Variants in DUSP15 observed in about 807,000 individuals in gnomAD.
The protein encoded by DUSP15 is dual specificity protein phosphatase 15.
Under a neutral mutation model 26.3 loss-of-function variants are expected in DUSP15, and 23 were observed. That is an observed-to-expected ratio of 0.87 (90% CI 0.63 to 1.24). DUSP15 has a LOEUF of 1.24. Ranked by LOEUF, DUSP15 falls within the 50% of genes most tolerant of loss-of-function variation. The pLI, the probability that DUSP15 is intolerant of heterozygous loss-of-function variation, is 0.00. For synonymous variants in DUSP15, 143 were observed against 135.5 expected, an observed-to-expected ratio of 1.06 and a Z score of -0.39; for missense variants, 364 against 320.6, an observed-to-expected ratio of 1.14 and a Z score of -1.03.
Position 31,861,627 on chromosome 20 carries a change from C to CGTCGCGGAAGGGGCT in DUSP15, c.469_483dup (p.Ser157_Asp161dup). 2 of 1,349,340 alleles carry CGTCGCGGAAGGGGCT rather than the reference C, an allele frequency of 1.5e-6. No individual in the cohort carries two copies. The highest frequency in any genetic ancestry group is 9.6e-7 in the Non-Finnish European group (1 of 1,041,074). 83.6% of individuals were successfully genotyped at this position (1,349,340 alleles called of 1,614,324 possible). A position where few individuals can be genotyped will look rare whatever the true frequency, so the allele number is the denominator to read the frequency against. On this transcript the variant is annotated inframe_insertion, in exon 7 of 7. Coordinates refer to ENST00000339738, the MANE Select transcript of DUSP15 (RefSeq NM_080611.5). ...GGCAGCAGCGCGCGCAACTCCTCCTCGTCGCGGAAGGGGCTCTCGCCGAAG... is the reference window on the plus strand; with the variant it reads ...GGCAGCAGCGCGCGCAACTCCTCCTCGTCGCGGAAGGGGCTGTCGCGGAAGGGGCTCTCGCCGAAG...
intron 6 of DUSP15, 147 bp downstream of exon 6, chr20:31,862,424 T>A: frequency 1.1e-6 from 1 of 877,790 alleles, no homozygotes; most frequent in Non-Finnish European, 1.7e-6. Context: ...ACCTAGGAGG[T>A]GGATTAGCTC....
downstream of DUSP15, among the ~76,000 whole-genome samples, chr20:31,846,153 C>T (rs374599654): frequency 7.5e-6 from 1 of 134,092 alleles, no homozygotes; most frequent in East Asian, 1.9e-4. Context: ...CAGACACACA[C>T]ACACAGACAT....
At chr20:31,851,789 C>T (rs2062474418) in intron 6 of DUSP15, among the ~76,000 whole-genome samples, 2 of 152,126 alleles carry the variant, frequency 1.3e-5, no homozygotes. Context: ...GGCTCAGCCA[C>T]TTCCCAGGAG....
chr20:31,859,155 T>C (rs1342432451), downstream of DUSP15, among the ~76,000 whole-genome samples: 1 of 152,196 alleles, frequency 6.6e-6, no homozygotes, highest in East Asian at 1.9e-4. Context: ...GGAGCCAAAA[T>C]GTGTCTCTCT....
chr20:31,845,881 C>G (rs538036341), downstream of DUSP15, among the ~76,000 whole-genome samples: 1 of 151,282 alleles, frequency 6.6e-6, no homozygotes, highest in Admixed American at 6.6e-5. Context: ...GGGACAGAGA[C>G]AAAAACAAAA....
In DUSP15 at chr20:31,861,448, A is replaced by C. The variant is rs749867046; in HGVS notation, c.663T>G (p.Thr221=). The change falls in exon 7 of 7, where the codon ACT becomes ACG. Residue 221 remains threonine, a synonymous_variant. Transcript: ENST00000339738. ...PLPLLARVKQ[T]FSCLPRCLSR... ...ACAGACACCGGGGGAGGCAAGAGAAAGTCTGCTTGACGCGCGCCAGCAGCG... is the reference window on the plus strand; with the variant it reads ...ACAGACACCGGGGGAGGCAAGAGAACGTCTGCTTGACGCGCGCCAGCAGCG... 43 of 1,557,526 alleles carry C rather than the reference A, an allele frequency of 2.8e-5. No individual in the cohort carries two copies. In the African/African-American group the frequency reaches 5.9e-4, roughly 21 times the overall value.
At chr20:31,847,814 TCA>T (rs1334414022) in exon 10 of DUSP15, 1 of 152,202 alleles carries the variant, frequency 6.6e-6, no homozygotes, top group Admixed American at 6.5e-5. Context: ...GAGGTCCGCC[TCA>T]GTTTCTTCAA....
At position 31,848,352 on chromosome 20, in the gene DUSP15, A is replaced by C; in HGVS notation, c.*52T>G. 2.7e-6 allele frequency: 4 copies of C among 1,481,828 alleles called. No individual in the cohort carries two copies. The South Asian group carries it at 4.7e-5, about 18-fold the overall frequency. 91.8% of individuals were successfully genotyped at this position (1,481,828 alleles called of 1,614,324 possible). A position where few individuals can be genotyped will look rare whatever the true frequency, so the allele number is the denominator to read the frequency against. On this transcript the variant is annotated 3_prime_UTR_variant, in exon 10 of 10. Coordinates refer to the DUSP15 transcript ENST00000278979. ...GGGGAGGCCCCAAGTCTATGGGCTTAGTGTGGGCAGGGTTGGGTGGGAGTA... is the reference window on the plus strand; with the variant it reads ...GGGGAGGCCCCAAGTCTATGGGCTTCGTGTGGGCAGGGTTGGGTGGGAGTA...
At position 31,861,378 on chromosome 20, in the gene DUSP15, G is replaced by A. The variant is rs12569; in HGVS notation, c.*25C>T. 199,774 of 1,516,914 alleles carry A rather than the reference G, an allele frequency of 0.13. 14,045 individuals are homozygous for A. The highest frequency in any genetic ancestry group is 0.18 in the Admixed American group (8,923 of 48,682). 94.0% of individuals were successfully genotyped at this position (1,516,914 alleles called of 1,614,324 possible). ...CCCCCGAAGGGAGCCAGTCGGAAGT[G>A]GGGAGCCACGGCTGGACTGCATCCT... On this transcript the variant is annotated 3_prime_UTR_variant, in exon 7 of 7. Transcript: ENST00000339738.
intron 6 of DUSP15, among the ~76,000 whole-genome samples, chr20:31,854,682 C>T (rs566931612): frequency 3.9e-5 from 6 of 152,212 alleles, no homozygotes; most frequent in African/African-American, 1.4e-4. Flanking sequence ...TGAGCAAAGT[C>T]CTGGAGGTAT....
chr20:31,870,399 C>A lies in DUSP15; in HGVS notation c.-62G>T. 3.9e-6 allele frequency: 5 copies of A among 1,290,052 alleles called. No individual in the cohort carries two copies. The highest frequency in any genetic ancestry group is 1.5e-5 in the African/African-American group (1 of 65,784). The allele number at this position is 1,290,052 out of a possible 1,614,324, so 79.9% of individuals were successfully genotyped here. ...CGCCGCCCGGGAAGCGATCCGGTCA[C>A]AGCTGCCCTGACGGCCCAGGCCCGA... On this transcript the variant is annotated 5_prime_UTR_variant, in exon 1 of 7. Transcript: ENST00000339738. This position sits in a 1 kb window ranked among gnomAD's most constrained non-coding sequence, Gnocchi z 6.6.
At chr20:31,867,629 A>ATTTTT (rs2062796446) in intron 2 of DUSP15, among the ~76,000 whole-genome samples, 3 of 107,814 alleles carry the variant, frequency 2.8e-5, no homozygotes, top group Admixed American at 1.1e-4. Context: ...GATGCCCACA[A>ATTTTT]TGTTTTTTTT....
chr20:31,848,595 C>T (rs746154030), intron 9 of DUSP15: 2 of 1,538,026 alleles, frequency 1.3e-6, no homozygotes, highest in Non-Finnish European at 1.7e-6. Flanking sequence ...GATGAGCAGA[C>T]CCTCTCCATT....
At chr20:31,869,073 G>A (rs2062845077) in intron 2 of DUSP15, among the ~76,000 whole-genome samples, 1 of 152,146 alleles carries the variant, frequency 6.6e-6, no homozygotes, top group Middle Eastern at 3.2e-3. Flanking sequence ...CATCTCCAGG[G>A]ACCTCTCCTC....
intron 3 of DUSP15, among the ~76,000 whole-genome samples, chr20:31,866,699 T>TCA (rs1339850930): frequency 1.3e-5 from 2 of 152,184 alleles, no homozygotes; most frequent in Non-Finnish European, 2.9e-5. Context: ...AGAGGTGAAG[T>TCA]CACAGCCCAA....
chr20:31,849,128 G>GCC (rs974919089), intron 8 of DUSP15, among the ~76,000 whole-genome samples: 7 of 151,702 alleles, frequency 4.6e-5, no homozygotes. Context: ...TGGCCCCTAT[G>GCC]CCCACCCCAT....
chr20:31,849,742 T>C (rs927018788), exon 8 of DUSP15: 2 of 1,540,254 alleles, frequency 1.3e-6, no homozygotes, highest in African/African-American at 1.4e-5. Context: ...GCGAACCTGC[T>C]GCAACGTGAG....
intron 8 of DUSP15, chr20:31,849,596 T>C (rs765836208): frequency 4.3e-6 from 6 of 1,403,550 alleles, no homozygotes; most frequent in Admixed American, 3.4e-5. Context: ...CTCCACCTTG[T>C]TGGGCTGCGC....
chr20:31,870,105 C>T lies in DUSP15; in HGVS notation c.21+212G>A. The T allele has an allele frequency of 8.0e-7, 1 of 1,245,278 alleles. No individual in the cohort carries two copies. Among genetic ancestry groups the T allele is most frequent in the East Asian group, 3.2e-5 (1 of 31,680 alleles). 77.1% of individuals were successfully genotyped at this position (1,245,278 alleles called of 1,614,324 possible). A position where few individuals can be genotyped will look rare whatever the true frequency, so the allele number is the denominator to read the frequency against. On this transcript the variant is annotated intron_variant, in intron 1 of 6. Coordinates refer to ENST00000339738, the MANE Select transcript of DUSP15 (RefSeq NM_080611.5). This position sits in a 1 kb window ranked among gnomAD's most constrained non-coding sequence, Gnocchi z 6.6. The stretch of plus-strand genomic sequence containing the variant: ...AGACAGCGAGAGACACACAGAGTCA[C>T]GGAGAGAGGGCGGACACAGCGGGGA...
Sources: gnomAD v4.1 joint callset for allele counts (sites outside exome capture counted in the v4.1 genomes callset) on GRCh38, gnomAD v4.1.1 for gene constraint, Gnocchi (gnomAD v3.1) non-coding constraint, MANE v1.5 for transcripts, NCBI Gene and HGNC (gene_info 2026-07-23, HGNC 2026-07-21) for gene names.